The following ACOXL variants were observed in gnomAD, a reference collection of about 807,000 sequenced individuals.
ACOXL encodes the protein acyl-coenzyme A oxidase-like protein.
A neutral mutation model predicts 71.9 loss-of-function variants in ACOXL; 70 were observed. That is an observed-to-expected ratio of 0.97 (90% CI 0.80 to 1.19). The LOEUF is 1.19. ACOXL is among the 50% of genes most tolerant of loss of function. The pLI is 0.00. For synonymous variants in ACOXL, 253 were observed against 281.6 expected, an observed-to-expected ratio of 0.90 and a Z score of 1.02; for missense variants, 703 against 736.3, an observed-to-expected ratio of 0.95 and a Z score of 0.52.
rs1332304599 is a variant in ACOXL, at chr2:111,049,128, G to A, written c.1370-90G>A. 59 of 1,012,088 alleles carry A rather than the reference G, an allele frequency of 5.8e-5. 1 individual carries two copies. The highest frequency in any genetic ancestry group is 1.7e-4 in the South Asian group (12 of 72,204). 62.7% of individuals were successfully genotyped at this position (1,012,088 alleles called of 1,614,324 possible). Reference sequence around the variant, plus strand: ...GAAGGACGGACAGCATGCTGTTTACGTCTGTTATAACCACAGTGTCCTCCT... The same window carrying A: ...GAAGGACGGACAGCATGCTGTTTACATCTGTTATAACCACAGTGTCCTCCT... On this transcript the variant is annotated intron_variant, in intron 15 of 17. Coordinates refer to ENST00000439055, the MANE Select transcript of ACOXL (RefSeq NM_001142807.4).
intron 12 of ACOXL, among the ~76,000 whole-genome samples, chr2:110,972,595 T>C (rs1432429546): frequency 6.6e-6 from 1 of 151,650 alleles, no homozygotes; most frequent in Non-Finnish European, 1.5e-5. Flanking sequence ...AATACATATA[T>C]ACACACACAT....
chr2:110,914,579 A>T (rs1160866974), intron 11 of ACOXL, among the ~76,000 whole-genome samples: 1 of 152,216 alleles, frequency 6.6e-6, no homozygotes, highest in Non-Finnish European at 1.5e-5. Flanking sequence ...GACCATTTAG[A>T]ATTTTCTACC....
chr2:110,852,843 C>A (rs377317295), intron 10 of ACOXL, among the ~76,000 whole-genome samples: 3 of 152,204 alleles, frequency 2.0e-5, no homozygotes, highest in Admixed American at 1.3e-4. Context: ...AACTGCCATT[C>A]CCTGGTCTTT....
At chr2:110,908,718 T>C in intron 10 of ACOXL, 71 bp from the exon 11 acceptor site, 1 of 1,226,882 alleles carries the variant, frequency 8.2e-7, no homozygotes, top group Non-Finnish European at 1.2e-6. Context: ...GCCAGCATTT[T>C]TAGCTCTGGA....
intron 9 of ACOXL, among the ~76,000 whole-genome samples, chr2:110,824,434 G>A (rs1322784855): frequency 6.6e-6 from 1 of 152,176 alleles, no homozygotes; most frequent in African/African-American, 2.4e-5. Flanking sequence ...CCCATAAAGT[G>A]ACACCTTAAC....
chr2:110,934,398 C>T (rs1011109608), intron 12 of ACOXL, among the ~76,000 whole-genome samples: 19 of 152,172 alleles, frequency 1.2e-4, no homozygotes, highest in African/African-American at 4.3e-4. Context: ...AACTCCAGAC[C>T]ACACCCCCAG....
chr2:110,901,484 G>T (rs189081491), intron 10 of ACOXL, among the ~76,000 whole-genome samples: 1 of 152,194 alleles, frequency 6.6e-6, no homozygotes, highest in Non-Finnish European at 1.5e-5. Context: ...TTGATAGACT[G>T]TTGAGGGTTG....
intron 17 of ACOXL, among the ~76,000 whole-genome samples, chr2:111,103,845 T>C (rs538120417): frequency 4.6e-5 from 7 of 152,164 alleles, no homozygotes; most frequent in African/African-American, 1.7e-4. Context: ...TTACTTAGTT[T>C]CCCCCATTGG....
rs779094717 is a variant in ACOXL at position 110,768,458 on chromosome 2, G to A, written c.69G>A (p.Gln23=). 5.0e-6 allele frequency: 8 copies of A among 1,612,688 alleles called. No individual in the cohort carries two copies. The South Asian group carries it at 8.8e-5, about 18-fold the overall frequency. ...MDLPLLKRAG[Q]DLAEKTKNFV... ...TGCCTCTGTTAAAACGTGCAGGTCA[G>A]GATCTGGTAAGTGTCATTATTATTC... The change falls in exon 2 of 18, where the codon CAG becomes CAA. Residue 23 remains glutamine, a synonymous_variant. Transcript: ENST00000439055.
intron 14 of ACOXL, among the ~76,000 whole-genome samples, chr2:111,021,775 C>T (rs2064771807): frequency 6.6e-6 from 1 of 151,682 alleles, no homozygotes; most frequent in South Asian, 2.1e-4. Context: ...CTTGAATTAA[C>T]CCAGGAAACA....
At chr2:110,819,423 G>A (rs866102998) in intron 9 of ACOXL, among the ~76,000 whole-genome samples, 1 of 152,130 alleles carries the variant, frequency 6.6e-6, no homozygotes, top group South Asian at 2.1e-4. Context: ...AGGCAGGGTG[G>A]AGGCTCTGGG....
At chr2:110,872,510 G>A (rs1695401873) in intron 10 of ACOXL, among the ~76,000 whole-genome samples, 1 of 152,238 alleles carries the variant, frequency 6.6e-6, no homozygotes, top group Non-Finnish European at 1.5e-5. Flanking sequence ...TCACAAAACT[G>A]GCCAGAGACC....
intron 10 of ACOXL, among the ~76,000 whole-genome samples, chr2:110,895,524 C>T (rs966598922): frequency 1.3e-5 from 2 of 152,116 alleles, no homozygotes; most frequent in African/African-American, 4.8e-5. Context: ...TAATGGCTGA[C>T]TTCCCAAATT....
intron 13 of ACOXL, among the ~76,000 whole-genome samples, chr2:110,992,000 C>G (rs895032246): frequency 6.6e-6 from 1 of 152,174 alleles, no homozygotes; most frequent in South Asian, 2.1e-4. Context: ...AACTTGTTCC[C>G]CAACTGGCCA....
At chr2:110,939,693 C>T (rs368014351) in intron 12 of ACOXL, among the ~76,000 whole-genome samples, 1 of 152,202 alleles carries the variant, frequency 6.6e-6, no homozygotes, top group Non-Finnish European at 1.5e-5. Context: ...CTGTCCAACC[C>T]GTGGCCCTCA....
chr2:110,849,201 G>A (rs1409264467), intron 10 of ACOXL, among the ~76,000 whole-genome samples: 4 of 152,062 alleles, frequency 2.6e-5, no homozygotes, highest in Non-Finnish European at 4.4e-5. Context: ...AAAGGCAGGC[G>A]GCATCCCTGT....
chr2:111,054,308 T>C (rs2066430484), intron 16 of ACOXL, among the ~76,000 whole-genome samples: 1 of 152,236 alleles, frequency 6.6e-6, no homozygotes, highest in Non-Finnish European at 1.5e-5. Context: ...GCAGCAACCA[T>C]GCTCCCTCTT....
At chr2:111,011,070 A>G (rs1245972703) in intron 14 of ACOXL, among the ~76,000 whole-genome samples, 2 of 152,196 alleles carry the variant, frequency 1.3e-5, no homozygotes, top group African/African-American at 2.4e-5. Context: ...TTTGAATTCA[A>G]TTGATGGTTT....
intron 8 of ACOXL, 76 bp downstream of exon 8, chr2:110,801,800 G>C: frequency 1.5e-6 from 2 of 1,297,106 alleles, no homozygotes; most frequent in Middle Eastern, 1.8e-4. Context: ...TGGGTCTTGG[G>C]TCTCATGGGC....
Sources: gnomAD v4.1 joint callset for allele counts (sites outside exome capture counted in the v4.1 genomes callset) on GRCh38, gnomAD v4.1.1 for gene constraint, MANE v1.5 for transcripts, NCBI Gene and HGNC (gene_info 2026-07-23, HGNC 2026-07-21) for gene names.